ADAP2: variants seen among roughly 807,000 people sequenced by gnomAD.
The protein encoded by ADAP2 is ArfGAP with dual PH domains 2, also known as arf-GAP with dual PH domain-containing protein 2.
ADAP2 carries 42 observed loss-of-function variants against 54.9 expected under a neutral mutation model. That is an observed-to-expected ratio of 0.77 (90% CI 0.60 to 0.99). The LOEUF is 0.99. Ranked by LOEUF, ADAP2 falls within the 50% of genes least tolerant of loss-of-function variation. The probability of loss-of-function intolerance (pLI) is 0.00; values close to 1 mark genes in which losing one functional copy is unlikely to be tolerated. For missense variants in ADAP2, 429 were observed against 480.4 expected (o/e 0.89, Z 1.00); for synonymous variants, 177 against 180.1 (o/e 0.98, Z 0.14).
At chr17:30,938,603 T>G (rs6505219) in intron 5 of ADAP2, among the ~76,000 whole-genome samples, 53,273 of 152,048 alleles carry the variant, frequency 0.35, 14,490 homozygotes, top group African/African-American at 0.76. Context: ...AGATAAGAAG[T>G]TTTCAGCAAA....
Position 30,956,469 on chromosome 17 carries a change from A to G in ADAP2, c.1111A>G (p.Thr371Ala). 3 of 1,614,042 alleles carry G rather than the reference A, an allele frequency of 1.9e-6. No homozygotes were observed. Among genetic ancestry groups the G allele is most frequent in the Non-Finnish European group, 2.5e-6 (3 of 1,179,926 alleles). ...SSPLTPLNRL[T>A]ASTESGRSSR Reference sequence around the variant, plus strand: ...CCCCTTGACGCCCCTCAACCGGCTTAGTAAGAAGCAGGAACTGAGGGGTGT... The same window carrying G: ...CCCCTTGACGCCCCTCAACCGGCTTGGTAAGAAGCAGGAACTGAGGGGTGT... Residue 371 changes from threonine to alanine, a missense_variant and splice_region_variant, in exon 10 of 11, where the codon ACT (threonine) becomes GCT (alanine). Physicochemically the swap from Thr to Ala is moderately conservative, Grantham distance 58. Coordinates refer to ENST00000330889, the MANE Select transcript of ADAP2 (RefSeq NM_018404.3).
chr17:30,956,463 C>A lies in ADAP2; in HGVS notation c.1105C>A (p.Arg369=). ...GTCCAGCCCCTTGACGCCCCTCAAC[C>A]GGCTTAGTAAGAAGCAGGAACTGAG... The part of the protein sequence containing the change: ...VLSSPLTPLN[R]LTASTESGRS... Residue 369 remains arginine (R), a synonymous_variant, in exon 10 of 11, where the codon CGG becomes AGG. Coordinates refer to ENST00000330889, the MANE Select transcript of ADAP2 (RefSeq NM_018404.3). 6.2e-7 allele frequency: 1 copy of A among 1,614,072 alleles called. No homozygotes were observed. Among genetic ancestry groups the A allele is most frequent in the Non-Finnish European group, 8.5e-7 (1 of 1,179,988 alleles).
At chr17:30,944,648 C>T (rs559611415) in intron 5 of ADAP2, among the ~76,000 whole-genome samples, 20 of 151,858 alleles carry the variant, frequency 1.3e-4, no homozygotes, top group Admixed American at 4.6e-4. Flanking sequence ...TTAGTAGAGA[C>T]GGGGTTTTAC....
chr17:30,953,405 T>C, intron 8 of ADAP2, 55 bp downstream of exon 8: 1 of 1,552,874 alleles, frequency 6.4e-7, no homozygotes, highest in Non-Finnish European at 8.8e-7. Context: ...TATAGAAGGT[T>C]TCATGTGTTT....
At position 30,958,080 on chromosome 17, in the gene ADAP2, T is replaced by C. The variant is rs1824033221; in HGVS notation, c.*211T>C. 3 of 604,756 alleles carry C rather than the reference T, an allele frequency of 5.0e-6. No individual in the cohort carries two copies. Among genetic ancestry groups the C allele is most frequent in the East Asian group, 2.8e-5 (1 of 35,630 alleles). The allele number at this position is 604,756 out of a possible 1,614,324, so 37.5% of individuals were successfully genotyped here. ...CTCGGGGATCTGAGGATCTGGTGCA[T>C]AGATGAACATCTATCCCCTCCTCCC... On this transcript the variant is annotated 3_prime_UTR_variant, in exon 11 of 11. Transcript: ENST00000330889.
At chr17:30,941,749 GA>G (rs1912287097) in intron 5 of ADAP2, among the ~76,000 whole-genome samples, 1 of 152,124 alleles carries the variant, frequency 6.6e-6, no homozygotes. Context: ...AAACTGTACT[GA>G]TAGAAGACAA....
At chr17:30,926,515 A>G (rs1482350612) in intron 2 of ADAP2, among the ~76,000 whole-genome samples, 2 of 152,136 alleles carry the variant, frequency 1.3e-5, no homozygotes, top group Non-Finnish European at 2.9e-5. Context: ...GTTTCCTTGA[A>G]CAAGTAACCT....
At chr17:30,939,620 ACTT>A (rs1912117132) in intron 5 of ADAP2, among the ~76,000 whole-genome samples, 1 of 151,620 alleles carries the variant, frequency 6.6e-6, no homozygotes, top group African/African-American at 2.4e-5. Context: ...AAATACAAAA[ACTT>A]AGCTGGGCGT....
rs1169080770 is a variant in ADAP2 at position 30,947,975 on chromosome 17, G to A, written c.658-1312G>A. 4.6e-5 allele frequency among the ~76,000 whole-genome samples: 7 copies of A among 152,288 alleles called. No homozygotes were observed. In the East Asian group the frequency reaches 5.8e-4, roughly 13 times the overall value. On this transcript the variant is annotated intron_variant, in intron 6 of 10. Transcript: ENST00000330889. Reference sequence around the variant, plus strand: ...AATGGGGCTGCAACTGGGGTTGGGTGAAGATAGGCGGGGTAGTTCTCACAG... The same window carrying A: ...AATGGGGCTGCAACTGGGGTTGGGTAAAGATAGGCGGGGTAGTTCTCACAG...
At chr17:30,925,999 T>C (rs1177475007) in intron 2 of ADAP2, among the ~76,000 whole-genome samples, 1 of 152,208 alleles carries the variant, frequency 6.6e-6, no homozygotes, top group Non-Finnish European at 1.5e-5. Flanking sequence ...CCCACAGTGC[T>C]GGGATTACAG....
intron 1 of ADAP2, among the ~76,000 whole-genome samples, chr17:30,922,648 C>T (rs935399766): frequency 2.6e-5 from 4 of 152,068 alleles, no homozygotes; most frequent in Admixed American, 1.3e-4. Flanking sequence ...CCTGCAGCTC[C>T]GCGCCGAGCC....
rs766360745 is a variant in ADAP2, at chr17:30,931,987, C to G, written c.397+19C>G. 6.2e-6 allele frequency: 10 copies of G among 1,608,912 alleles called. No homozygotes were observed. Among genetic ancestry groups the G allele is most frequent in the Non-Finnish European group, 6.8e-6 (8 of 1,176,298 alleles). On this transcript the variant is annotated intron_variant, in intron 4 of 10. Transcript: ENST00000330889. ...CTCCCAGGTAAAGTTATTTCCATCA[C>G]CTTTTGAAATCTATGTTTTAATGAG...
At chr17:30,950,373 A>T (rs1034600535) in intron 7 of ADAP2, among the ~76,000 whole-genome samples, 1 of 152,124 alleles carries the variant, frequency 6.6e-6, no homozygotes, top group Non-Finnish European at 1.5e-5. Flanking sequence ...CGAGCCAGGA[A>T]GCCTGGGCTC....
chr17:30,951,267 C>G (rs890427559), intron 7 of ADAP2, among the ~76,000 whole-genome samples: 1 of 152,098 alleles, frequency 6.6e-6, no homozygotes, highest in African/African-American at 2.4e-5. Flanking sequence ...TTGTGAGACT[C>G]CAGCGAGCCA....
intron 2 of ADAP2, among the ~76,000 whole-genome samples, chr17:30,926,136 C>T (rs1911042549): frequency 6.6e-6 from 1 of 152,220 alleles, no homozygotes; most frequent in African/African-American, 2.4e-5. Context: ...GCGACACAGC[C>T]TAGCGGCCCC....
chr17:30,922,225 C>A, intron 1 of ADAP2, 117 bp downstream of exon 1: 1 of 704,682 alleles, frequency 1.4e-6, no homozygotes, highest in East Asian at 3.7e-5. Flanking sequence ...AGACGTGGCA[C>A]CTGCGGGCCC....
intron 2 of ADAP2, among the ~76,000 whole-genome samples, chr17:30,923,926 A>T (rs1910840097): frequency 6.6e-6 from 1 of 150,640 alleles, no homozygotes; most frequent in Admixed American, 6.6e-5. Flanking sequence ...CTGGTCTCGA[A>T]CTCCTGACCT....
intron 7 of ADAP2, among the ~76,000 whole-genome samples, chr17:30,952,847 A>G (rs1232179118): frequency 6.6e-6 from 1 of 152,028 alleles, no homozygotes; most frequent in African/African-American, 2.4e-5. Context: ...GCTACCAGTG[A>G]TGTGACTTTG....
intron 5 of ADAP2, among the ~76,000 whole-genome samples, chr17:30,939,433 G>GA (rs77911489): frequency 0.051 from 4,605 of 90,634 alleles, 275 homozygotes; most frequent in African/African-American, 0.16. Flanking sequence ...AAGTGAAACT[G>GA]AAAAAAAAAA....
Sources: gnomAD v4.1 joint callset for allele counts (sites outside exome capture counted in the v4.1 genomes callset) on GRCh38, gnomAD v4.1.1 for gene constraint, MANE v1.5 for transcripts, NCBI Gene and HGNC (gene_info 2026-07-23, HGNC 2026-07-21) for gene names.